The following ARMC12 variants were observed in gnomAD, a reference collection of about 807,000 sequenced individuals.
ARMC12 encodes armadillo repeat containing 12.
ARMC12 carries 25 observed loss-of-function variants against 37.4 expected under a neutral mutation model. That is an observed-to-expected ratio of 0.67 (90% CI 0.49 to 0.93). ARMC12 has a LOEUF of 0.93. ARMC12 is among the 40% of genes least tolerant of loss of function. ARMC12 has a pLI of 0.00. For synonymous variants in ARMC12, 167 were observed against 176.1 expected (o/e 0.95, Z 0.41); for missense variants, 384 against 426.6 (o/e 0.90, Z 0.88).
chr6:35,746,337 G>GT (rs1410303922), intron 3 of ARMC12, among the ~76,000 whole-genome samples: 2 of 152,188 alleles, frequency 1.3e-5, no homozygotes, highest in African/African-American at 4.8e-5. Flanking sequence ...CATGGAATAT[G>GT]TAAGAGGCCA....
chr6:35,739,904 G>T (rs186805707), intron 3 of ARMC12, among the ~76,000 whole-genome samples: 1 of 152,180 alleles, frequency 6.6e-6, no homozygotes, highest in Non-Finnish European at 1.5e-5. Flanking sequence ...CTCCCCAGAA[G>T]TTGGGAGCAA....
intron 3 of ARMC12, among the ~76,000 whole-genome samples, chr6:35,743,732 T>G (rs1452680900): frequency 6.9e-6 from 1 of 144,378 alleles, no homozygotes; most frequent in African/African-American, 2.6e-5. Flanking sequence ...GTAAGTGCCA[T>G]GGAGAAAAAT....
intron 3 of ARMC12, 27 bp downstream of exon 3, chr6:35,738,545 A>G (rs1394305103): frequency 6.2e-7 from 1 of 1,613,472 alleles, no homozygotes; most frequent in Non-Finnish European, 8.5e-7. Flanking sequence ...GTGGTGGGGC[A>G]TGCAGGATGT....
intron 3 of ARMC12, among the ~76,000 whole-genome samples, chr6:35,738,785 C>T (rs1228972788): frequency 1.3e-5 from 2 of 152,130 alleles, no homozygotes; most frequent in African/African-American, 2.4e-5. Context: ...ACCACTGCCA[C>T]GTTTTTTCTG....
At chr6:35,743,461 G>A (rs970452631) in intron 3 of ARMC12, among the ~76,000 whole-genome samples, 4 of 152,126 alleles carry the variant, frequency 2.6e-5, no homozygotes, top group Non-Finnish European at 5.9e-5. Flanking sequence ...CAGGTGATCT[G>A]CCCACCTTGG....
intron 3 of ARMC12, among the ~76,000 whole-genome samples, chr6:35,747,017 A>G: frequency 7.2e-6 from 1 of 138,480 alleles, no homozygotes; most frequent in African/African-American, 2.8e-5. Context: ...AGGTAGGTAG[A>G]AAAGAGGAGG....
intron 3 of ARMC12, among the ~76,000 whole-genome samples, chr6:35,739,383 T>C (rs1767098164): frequency 6.6e-6 from 1 of 152,224 alleles, no homozygotes. Context: ...ATAACTAAGG[T>C]CTGAGTCCTG....
intron 1 of ARMC12, 156 bp downstream of exon 1, chr6:35,737,427 G>A (rs2151034554): frequency 6.3e-7 from 1 of 1,586,524 alleles, no homozygotes; most frequent in South Asian, 1.1e-5. Context: ...CAGCGTCCTA[G>A]GCAAGGCCCT....
At chr6:35,739,250 C>G (rs1767094046) in intron 3 of ARMC12, among the ~76,000 whole-genome samples, 1 of 152,154 alleles carries the variant, frequency 6.6e-6, no homozygotes, top group South Asian at 2.1e-4. Context: ...GGGAGAAGGC[C>G]AGGAAATTAT....
rs1767020693 is a variant in ARMC12 at position 35,737,889 on chromosome 6, T to C, written c.164-138T>C. 3.5e-6 allele frequency: 4 copies of C among 1,130,162 alleles called. No homozygotes were observed. In the East Asian group the frequency reaches 9.5e-5, roughly 27 times the overall value. The allele number at this position is 1,130,162 out of a possible 1,614,324, so 70.0% of individuals were successfully genotyped here. ...TAAACATTCGTTCAACTGTACATGG[T>C]GGTCCTGCATATGGCGAGAAGGCTT... is the stretch of plus-strand genomic sequence containing the variant. On this transcript the variant is annotated intron_variant, in intron 1 of 5. Transcript: ENST00000373866.
rs761730570 is a variant in ARMC12 at position 35,737,251 on chromosome 6, A to G, written c.143A>G (p.Asn48Ser). 5 of 1,614,168 alleles carry G rather than the reference A, an allele frequency of 3.1e-6. No individual in the cohort carries two copies. The South Asian group carries it at 3.3e-5, about 11-fold the overall frequency. The change falls in exon 1 of 6, where the codon AAC becomes AGC. Residue 48 changes from asparagine (N) to serine (S), a missense_variant. Physicochemically the swap from Asn to Ser is conservative, Grantham distance 46. Coordinates refer to ENST00000373866, the MANE Select transcript of ARMC12 (RefSeq NM_001286574.2). ...GIKCKPPLCSNSPICIARLAV... is the reference protein window; with the variant it reads ...GIKCKPPLCSSSPICIARLAV... ...AAATGCAAACCACCCCTCTGTAGCA[A>G]CTCACCCATCTGCATCGCCCGTGAG... is the stretch of plus-strand genomic sequence containing the variant.
upstream of ARMC12, among the ~76,000 whole-genome samples, chr6:35,736,649 C>T (rs977736795): frequency 2.0e-5 from 3 of 152,004 alleles, no homozygotes; most frequent in East Asian, 3.9e-4. Context: ...CTTGCTCTGT[C>T]GCTTAGGTTG....
At chr6:35,737,409 C>T (rs1469763240) in intron 1 of ARMC12, 138 bp downstream of exon 1, 4 of 1,605,462 alleles carry the variant, frequency 2.5e-6, no homozygotes, top group Non-Finnish European at 3.4e-6. Flanking sequence ...TTCCTCAAGC[C>T]CACCCTGCAG....
intron 5 of ARMC12, 46 bp downstream of exon 5, chr6:35,747,693 T>C (rs775653562): frequency 1.9e-6 from 3 of 1,577,160 alleles, no homozygotes; most frequent in Admixed American, 3.3e-5. Context: ...AACTCAGGTA[T>C]AGGGGGAGGG....
chr6:35,748,234 C>T (rs1767399462), intron 5 of ARMC12, among the ~76,000 whole-genome samples: 1 of 152,210 alleles, frequency 6.6e-6, no homozygotes, highest in African/African-American at 2.4e-5. Context: ...GAACAGTCTA[C>T]AAGGATTAAA....
intron 1 of ARMC12, among the ~76,000 whole-genome samples, chr6:35,737,726 G>A (rs1767014665): frequency 6.6e-6 from 1 of 152,162 alleles, no homozygotes. Context: ...CCATCTGCTG[G>A]AATATCATTG....
intron 3 of ARMC12, among the ~76,000 whole-genome samples, chr6:35,744,903 A>G (rs756525294): frequency 6.6e-6 from 1 of 152,246 alleles, no homozygotes; most frequent in East Asian, 1.9e-4. Flanking sequence ...GGGAAATGCA[A>G]TGAAGACCAT....
intron 3 of ARMC12, among the ~76,000 whole-genome samples, chr6:35,743,063 A>T (rs1377182995): frequency 6.6e-6 from 1 of 152,040 alleles, no homozygotes; most frequent in East Asian, 1.9e-4. Context: ...GCGGGTCGCC[A>T]CGGCTTTTGA....
Position 35,749,033 on chromosome 6 carries a change from A to C in ARMC12, c.*163A>C, listed in dbSNP as rs530931559. 11 of 633,728 alleles carry C rather than the reference A, an allele frequency of 1.7e-5. No homozygotes were observed. Among genetic ancestry groups the C allele is most frequent in the Middle Eastern group, 4.4e-4 (1 of 2,286 alleles). 39.3% of individuals were successfully genotyped at this position (633,728 alleles called of 1,614,324 possible). A position where few individuals can be genotyped will look rare whatever the true frequency, so the allele number is the denominator to read the frequency against. On this transcript the variant is annotated 3_prime_UTR_variant, in exon 6 of 6. Transcript: ENST00000373866. ...GGCTTATCTCTCAAAACACATCCCC[A>C]CTTCTATGTTTGGGGGACTAGCTCC...
Sources: allele counts gnomAD v4.1 joint callset (sites outside exome capture counted in the v4.1 genomes callset), GRCh38; gene constraint gnomAD v4.1.1; transcripts MANE v1.5; gene names NCBI Gene and HGNC (gene_info 2026-07-23, HGNC 2026-07-21).